Variants in PSG8 observed in about 807,000 individuals in gnomAD.
PSG8 encodes pregnancy-specific beta-1-glycoprotein 8.
In PSG8, 57 loss-of-function variants were observed where a neutral mutation model predicts 42.5. The ratio of observed to expected loss-of-function variants is 1.34; its 90% CI spans 1.08 to 1.67. PSG8 has a LOEUF of 1.67. Among genes scored for constraint, PSG8 ranks in the 40% most tolerant of loss-of-function variants. PSG8 has a pLI of 0.00. For synonymous variants in PSG8, 280 were observed against 196.8 expected (o/e 1.42, Z -3.54); for missense variants, 783 against 518.6 (o/e 1.51, Z -4.95).
intron 2 of PSG8, among the ~76,000 whole-genome samples, chr19:42,762,077 G>A (rs1224119124): frequency 3.3e-5 from 5 of 151,586 alleles, no homozygotes; most frequent in African/African-American, 1.2e-4. Context: ...TATTTCCTGG[G>A]AGGTGGGCCA....
intron 2 of PSG8, among the ~76,000 whole-genome samples, chr19:42,760,701 G>A (rs1167133528): frequency 6.6e-6 from 1 of 151,944 alleles, no homozygotes; most frequent in Non-Finnish European, 1.5e-5. Flanking sequence ...TCCTGCCTCA[G>A]CCTCCCAAGT....
rs757187521 is a variant in PSG8 at position 42,758,125 on chromosome 19, A to T, written c.586T>A (p.Ser196Thr). 6 of 1,613,992 alleles carry T rather than the reference A, an allele frequency of 3.7e-6. No individual in the cohort carries two copies. The highest frequency in any genetic ancestry group is 2.2e-5 in the South Asian group (2 of 91,070). ...SLPMSHRLQL[S>T]ETNRTLFLLG... is the part of the protein sequence containing the mutation. ...AGAAAGAGGGTCCTGTTGGTTTCAG[A>T]CAACTGCAACCTGTGAGACATAGGG... Residue 196 changes from serine (S) to threonine (T), a missense_variant, in exon 3 of 5, where the codon TCT becomes ACT. Transcript: ENST00000306511.
intron 1 of PSG8, among the ~76,000 whole-genome samples, chr19:42,764,697 G>A (rs1348898657): frequency 2.6e-5 from 4 of 151,988 alleles, no homozygotes; most frequent in African/African-American, 9.7e-5. Flanking sequence ...GCTCCCTCCA[G>A]GGTTCTTCTC....
In PSG8 at chr19:42,755,147, C is replaced by A. The variant is rs375688393; in HGVS notation, c.829G>T (p.Gly277Cys). 133 of 1,611,762 alleles carry A rather than the reference C, an allele frequency of 8.3e-5. No homozygotes were observed. Among genetic ancestry groups the A allele is most frequent in the Non-Finnish European group, 1.1e-4 (126 of 1,179,804 alleles). Residue 277 changes from glycine to cysteine, a missense_variant, in exon 4 of 5, where the codon GGT becomes TGT. Coordinates refer to ENST00000306511, the MANE Select transcript of PSG8 (RefSeq NM_182707.3). ...CTGGGACTGACCGGGAGGCTCTGAC[C>A]ATTTAGCCACCAAATGTAGGTGTAG... ...ENYTYIWWLNGQSLPVSPRVK... is the reference protein window; with the variant it reads ...ENYTYIWWLNCQSLPVSPRVK...
intron 2 of PSG8, among the ~76,000 whole-genome samples, chr19:42,760,895 C>T (rs1447633233): frequency 3.9e-5 from 6 of 152,224 alleles, no homozygotes; most frequent in Non-Finnish European, 7.4e-5. Context: ...GGGAGTTTAA[C>T]GAGTTGTTGA....
intron 2 of PSG8, among the ~76,000 whole-genome samples, chr19:42,762,340 C>T (rs1310732189): frequency 3.9e-5 from 6 of 151,916 alleles, no homozygotes; most frequent in African/African-American, 1.5e-4. Flanking sequence ...ACCAAAGAGC[C>T]CTGAGAACCC....
Position 42,754,273 on chromosome 19 carries a change from C to A in PSG8, c.*22G>T, listed in dbSNP as rs771993086. 1.9e-6 allele frequency: 3 copies of A among 1,609,486 alleles called. No homozygotes were observed. In the South Asian group the frequency reaches 3.3e-5, roughly 18 times the overall value. ...ATAAAAATGTTTTCCTGACTCTTCC[C>A]TGAAGGCCAGATAGACTCCACCTAA... On this transcript the variant is annotated 3_prime_UTR_variant, in exon 5 of 5. Coordinates refer to ENST00000306511, the MANE Select transcript of PSG8 (RefSeq NM_182707.3).
In PSG8 at chr19:42,760,088, C is replaced by T. The variant is rs1970035165; in HGVS notation, c.431-1808G>A. On this transcript the variant is annotated intron_variant, in intron 2 of 4. Transcript: ENST00000306511. ...CAGAGTTAGGAAAAATGGGGAGGAC[C>T]CCAAAACAGGTATGTGAAATGCTTT... is the stretch of plus-strand genomic sequence containing the variant. Among the ~76,000 whole-genome samples, 2 of 152,040 alleles carry T rather than the reference C, an allele frequency of 1.3e-5. 1 individual carries two copies. The highest frequency in any genetic ancestry group is 4.2e-4 in the South Asian group (2 of 4,804).
downstream of PSG8, chr19:42,753,859 T>G: frequency 2.1e-6 from 1 of 468,312 alleles, no homozygotes; most frequent in Non-Finnish European, 4.2e-6. Context: ...TGTATTACCA[T>G]AAACATATCA....
chr19:42,758,661 G>C (rs1342683782), intron 2 of PSG8: 1 of 241,802 alleles, frequency 4.1e-6, no homozygotes. Context: ...GTCTTACTTT[G>C]CCGCCCAAGG....
At chr19:42,760,944 C>G (rs190645607) in intron 2 of PSG8, among the ~76,000 whole-genome samples, 1 of 152,044 alleles carries the variant, frequency 6.6e-6, no homozygotes, top group Non-Finnish European at 1.5e-5. Flanking sequence ...GTGTTAGAAC[C>G]GAATGACAAA....
chr19:42,759,696 A>G (rs1970025739), intron 2 of PSG8, among the ~76,000 whole-genome samples: 1 of 152,160 alleles, frequency 6.6e-6, no homozygotes. Context: ...TCAGGAGTTT[A>G]GACCTCATGT....
chr19:42,759,480 T>C (rs1238568416), intron 2 of PSG8, among the ~76,000 whole-genome samples: 1 of 152,196 alleles, frequency 6.6e-6, no homozygotes, highest in African/African-American at 2.4e-5. Context: ...ATTTCTAATT[T>C]TTTTTTGTTT....
In PSG8 at chr19:42,755,258, G is replaced by A. The variant is rs750634211; in HGVS notation, c.718C>T (p.Pro240Ser). Residue 240 changes from proline to serine, a missense_variant, in exon 4 of 5, where the codon CCC (proline) becomes TCC (serine). Transcript: ENST00000306511. ...PFTLNLLPKL[P>S]KPYITINNLK... ...TTGTTGATGGTGATGTAGGGCTTGGGCAGCTTCGCTGTGTGGATAACAGAG... is the reference window on the plus strand; with the variant it reads ...TTGTTGATGGTGATGTAGGGCTTGGACAGCTTCGCTGTGTGGATAACAGAG... 22 of 1,612,042 alleles carry A rather than the reference G, an allele frequency of 1.4e-5. No individual in the cohort carries two copies. In the Admixed American group the frequency reaches 3.2e-4, roughly 23 times the overall value.
In PSG8 at chr19:42,764,028, G is replaced by A; in HGVS notation, c.318C>T (p.Ser106=). 6.2e-7 allele frequency: 1 copy of A among 1,613,810 alleles called. No homozygotes were observed. Among genetic ancestry groups the A allele is most frequent in the Non-Finnish European group, 8.5e-7 (1 of 1,179,872 alleles). Residue 106 remains serine, a synonymous_variant, in exon 2 of 5, where the codon TCC becomes TCT. Transcript: ENST00000306511. ...SGRETIYSNA[S]LLIQNVTQED... is the part of the protein sequence containing the mutation. The stretch of plus-strand genomic sequence containing the variant: ...CCTGGGTGACATTCTGGATCAGCAG[G>A]GATGCATTGGAATATATTGTTTCTC...
chr19:42,762,956 G>A (rs1241746206), intron 2 of PSG8, among the ~76,000 whole-genome samples: 2 of 152,132 alleles, frequency 1.3e-5, no homozygotes, highest in Non-Finnish European at 2.9e-5. Flanking sequence ...TCTCCCCTTT[G>A]TGATTGTGTG....
At chr19:42,762,381 G>C (rs1419530998) in intron 2 of PSG8, among the ~76,000 whole-genome samples, 1 of 152,060 alleles carries the variant, frequency 6.6e-6, no homozygotes, top group Non-Finnish European at 1.5e-5. Flanking sequence ...AGAATTACAT[G>C]AGCTGGGGTG....
intron 2 of PSG8, 147 bp from the exon 3 acceptor site, chr19:42,758,427 G>A (rs771568139): frequency 6.6e-5 from 98 of 1,489,330 alleles, no homozygotes; most frequent in Non-Finnish European, 8.5e-5. Context: ...CAAGACAGAT[G>A]CAGGGCAATC....
In PSG8 at chr19:42,758,103, A is replaced by C; in HGVS notation, c.608T>G (p.Phe203Cys). 6.2e-7 allele frequency: 1 copy of C among 1,613,990 alleles called. No individual in the cohort carries two copies. Among genetic ancestry groups the C allele is most frequent in the African/African-American group, 1.3e-5 (1 of 75,008 alleles). ...LQLSETNRTL[F>C]LLGVTKYTAG... ...AGTGTACTTTGTGACACCCAATAGA[A>C]AGAGGGTCCTGTTGGTTTCAGACAA... The change falls in exon 3 of 5, where the codon TTT becomes TGT. Residue 203 changes from phenylalanine to cysteine, a missense_variant. Physicochemically the swap from Phe to Cys is radical, Grantham distance 205. Coordinates refer to ENST00000306511, the MANE Select transcript of PSG8 (RefSeq NM_182707.3).
Sources: allele counts gnomAD v4.1 joint callset (sites outside exome capture counted in the v4.1 genomes callset), GRCh38; gene constraint gnomAD v4.1.1; transcripts MANE v1.5; gene names NCBI Gene and HGNC (gene_info 2026-07-23, HGNC 2026-07-21).